The following FBXL4 variants were observed in gnomAD, a reference collection of about 807,000 sequenced individuals.
The protein encoded by FBXL4 is F-box and leucine rich repeat protein 4, also known as F-box/LRR-repeat protein 4.
A neutral mutation model predicts 58.9 loss-of-function variants in FBXL4; 40 were observed. That is an observed-to-expected ratio of 0.68 (90% CI 0.53 to 0.88). The LOEUF (loss-of-function observed/expected upper bound fraction) is 0.88. Ranked by LOEUF, FBXL4 falls within the 40% of genes least tolerant of loss-of-function variation. The pLI is 0.00. For missense variants in FBXL4, 676 were observed against 734.4 expected (o/e 0.92, Z 0.92); for synonymous variants, 263 against 265.5 (o/e 0.99, Z 0.09).
At chr6:98,879,692 C>T (rs6929427) in intron 8 of FBXL4, among the ~76,000 whole-genome samples, 16,710 of 138,324 alleles carry the variant, frequency 0.12, 1,557 homozygotes, top group East Asian at 0.47. Flanking sequence ...ACCAGCCTAC[C>T]CAATATGGTG....
At position 98,926,905 on chromosome 6, in the gene FBXL4, T is replaced by C. The variant is rs1562245678; in HGVS notation, c.84A>G (p.Arg28=). The C allele has an allele frequency of 1.2e-6, 2 of 1,614,188 alleles. No individual in the cohort carries two copies. Among genetic ancestry groups the C allele is most frequent in the Non-Finnish European group, 1.7e-6 (2 of 1,180,020 alleles). The part of the protein sequence containing the change: ...CLRRRARTAT[R]GEMMNTHRAI... ...CTCTATGGGTGTTCATCATTTCTCC[T>C]CTTGTAGCTGTCCTGGCTCGGCGCC... The change falls in exon 4 of 10, where the codon AGA becomes AGG. Residue 28 remains arginine (R), a synonymous_variant. Transcript: ENST00000369244.
intron 4 of FBXL4, among the ~76,000 whole-genome samples, chr6:98,925,830 G>A (rs1772755559): frequency 6.6e-6 from 1 of 152,182 alleles, no homozygotes; most frequent in South Asian, 2.1e-4. Context: ...GCTGATAAAA[G>A]TGGTTTCTTC....
intron 6 of FBXL4, among the ~76,000 whole-genome samples, chr6:98,904,413 A>G (rs1240040533): frequency 6.6e-6 from 1 of 152,220 alleles, no homozygotes; most frequent in African/African-American, 2.4e-5. Context: ...TATCAAGCTC[A>G]GTATTTGGAA....
At chr6:98,903,314 A>T (rs1049198078) in intron 6 of FBXL4, among the ~76,000 whole-genome samples, 3 of 152,138 alleles carry the variant, frequency 2.0e-5, no homozygotes, top group Non-Finnish European at 2.9e-5. Flanking sequence ...AACAGTAATC[A>T]GTAGGCAAAA....
chr6:98,924,487 G>A (rs1487499732), intron 4 of FBXL4, among the ~76,000 whole-genome samples: 1 of 152,128 alleles, frequency 6.6e-6, no homozygotes, highest in African/African-American at 2.4e-5. Context: ...AACCCGAGAG[G>A]CAGAGGTTGC....
rs901074781 is a variant in FBXL4 at position 98,917,701 on chromosome 6, T to C, written c.531A>G (p.Ser177=). 6.2e-7 allele frequency: 1 copy of C among 1,600,016 alleles called. No individual in the cohort carries two copies. The highest frequency in any genetic ancestry group is 8.5e-7 in the Non-Finnish European group (1 of 1,174,682). ...PAEVRWEILW[S]ERPTKVNASQ... is the part of the protein sequence containing the mutation. ...AAGCATTCACCTTCGTAGGTCTCTC[T>C]GACCAAAGAATCTCCCATCTGCCAA... is the stretch of plus-strand genomic sequence containing the variant. Residue 177 remains serine, a synonymous_variant, in exon 5 of 10, where the codon TCA becomes TCG. Coordinates refer to ENST00000369244, the MANE Select transcript of FBXL4 (RefSeq NM_001278716.2).
chr6:98,911,615 AGGGTCCT>A (rs1327696756), intron 5 of FBXL4, among the ~76,000 whole-genome samples: 2 of 152,220 alleles, frequency 1.3e-5, no homozygotes, highest in Non-Finnish European at 2.9e-5. Flanking sequence ...CCTGCAGCTG[AGGGTCCT>A]GTCTGTTAGA....
At chr6:98,943,398 C>T (rs1292482279) in intron 1 of FBXL4, among the ~76,000 whole-genome samples, 1 of 151,638 alleles carries the variant, frequency 6.6e-6, no homozygotes. Flanking sequence ...CATGGTGAAG[C>T]CCCATCTCTA....
intron 1 of FBXL4, among the ~76,000 whole-genome samples, chr6:98,936,960 C>G (rs967934009): frequency 2.0e-5 from 3 of 152,196 alleles, no homozygotes; most frequent in Non-Finnish European, 4.4e-5. Context: ...TCCCATTATA[C>G]AGTTGACCCT....
chr6:98,891,722 CAAAAAAA>C (rs34788813), intron 7 of FBXL4, among the ~76,000 whole-genome samples: 32 of 108,370 alleles, frequency 3.0e-4, no homozygotes, highest in African/African-American at 8.5e-4. Flanking sequence ...CTATCTCTAC[CAAAAAAA>C]AAAAAAAAAA....
At chr6:98,946,794 T>C (rs1007878085) in intron 1 of FBXL4, among the ~76,000 whole-genome samples, 2 of 152,192 alleles carry the variant, frequency 1.3e-5, no homozygotes, top group Non-Finnish European at 2.9e-5. Flanking sequence ...TAAAGCATAA[T>C]GCACATTTCC....
chr6:98,910,472 T>A (rs1356097282), intron 5 of FBXL4, among the ~76,000 whole-genome samples: 1 of 151,806 alleles, frequency 6.6e-6, no homozygotes, highest in Non-Finnish European at 1.5e-5. Context: ...GCTAACACAG[T>A]GAAACCCTGT....
chr6:98,913,852 C>G (rs964272309), intron 5 of FBXL4, among the ~76,000 whole-genome samples: 1 of 151,946 alleles, frequency 6.6e-6, no homozygotes, highest in South Asian at 2.1e-4. Context: ...ATAAAAAAAC[C>G]CTTCAAAAAA....
chr6:98,919,655 ATTGAT>A (rs1772503097), intron 4 of FBXL4, among the ~76,000 whole-genome samples: 1 of 152,192 alleles, frequency 6.6e-6, no homozygotes, highest in Non-Finnish European at 1.5e-5. Flanking sequence ...TAACGAAGGA[ATTGAT>A]TTGAATACTC....
intron 7 of FBXL4, among the ~76,000 whole-genome samples, chr6:98,885,730 A>G (rs1454362420): frequency 6.6e-6 from 1 of 152,192 alleles, no homozygotes; most frequent in Non-Finnish European, 1.5e-5. Flanking sequence ...CAGCTTGCCA[A>G]TTCGTCCTGC....
intron 5 of FBXL4, among the ~76,000 whole-genome samples, chr6:98,912,065 A>C (rs930253060): frequency 2.6e-5 from 4 of 152,242 alleles, no homozygotes; most frequent in African/African-American, 9.6e-5. Context: ...CAACTGGAAG[A>C]AAGGTTATCA....
At chr6:98,945,430 G>A (rs958756801) in intron 1 of FBXL4, among the ~76,000 whole-genome samples, 12 of 152,090 alleles carry the variant, frequency 7.9e-5, no homozygotes, top group Non-Finnish European at 2.9e-5. Flanking sequence ...AACAAAAGTA[G>A]ACTTAAATAT....
intron 4 of FBXL4, among the ~76,000 whole-genome samples, chr6:98,919,127 C>T (rs887962488): frequency 6.6e-6 from 1 of 151,038 alleles, no homozygotes; most frequent in Non-Finnish European, 1.5e-5. Context: ...GGTACTCCTA[C>T]TGTTTTTAGG....
rs1207807207 is a variant in FBXL4 at position 98,917,499 on chromosome 6, C to A, written c.733G>T (p.Asp245Tyr). 6 of 1,613,944 alleles carry A rather than the reference C, an allele frequency of 3.7e-6. No homozygotes were observed. The African/African-American group carries it at 5.3e-5, about 14-fold the overall frequency. ...TCTGCATAGGCATCATCTTCTATAT[C>A]ATTCATGTCAATAAGTGAAGTCTTG... ...SLKTSLIDMN[D>Y]IEDDAYAEKD... The change falls in exon 5 of 10, where the codon GAT becomes TAT. Residue 245 changes from aspartate to tyrosine, a missense_variant. Physicochemically the swap from Asp to Tyr is radical, Grantham distance 160 (BLOSUM62 -3). Transcript: ENST00000369244.
Sources: gnomAD v4.1 joint callset for allele counts (sites outside exome capture counted in the v4.1 genomes callset) on GRCh38, gnomAD v4.1.1 for gene constraint, MANE v1.5 for transcripts, NCBI Gene and HGNC (gene_info 2026-07-23, HGNC 2026-07-21) for gene names.